Variants in FMNL2 observed in about 807,000 individuals in gnomAD.
FMNL2 encodes the protein formin like 2, also known as formin-like protein 2.
In FMNL2, 51 loss-of-function variants were observed where a neutral mutation model predicts 130.2. That is an observed-to-expected ratio of 0.39 (90% CI 0.31 to 0.49). The LOEUF (loss-of-function observed/expected upper bound fraction) is 0.49. Among genes scored for constraint, FMNL2 ranks in the 20% least tolerant of loss-of-function variants. The pLI, the probability that FMNL2 is intolerant of heterozygous loss-of-function variation, is 0.85. For synonymous variants in FMNL2, 465 were observed against 467.1 expected, an observed-to-expected ratio of 1.00 and a Z score of 0.06; for missense variants, 977 against 1,316.2, an observed-to-expected ratio of 0.74 and a Z score of 3.99.
At chr2:152,453,324 G>A (rs749986525) in intron 1 of FMNL2, among the ~76,000 whole-genome samples, 4 of 152,138 alleles carry the variant, frequency 2.6e-5, no homozygotes, top group Non-Finnish European at 4.4e-5. Context: ...TCCTTCATTA[G>A]GAGCAGTCTG....
chr2:152,645,899 C>A (rs1366911561), intron 25 of FMNL2, among the ~76,000 whole-genome samples: 1 of 152,122 alleles, frequency 6.6e-6, no homozygotes, highest in East Asian at 1.9e-4. Context: ...GAACTAATTG[C>A]TCAGAGGATG....
intron 9 of FMNL2, among the ~76,000 whole-genome samples, chr2:152,590,705 A>G (rs962599298): frequency 1.3e-5 from 2 of 152,020 alleles, no homozygotes; most frequent in African/African-American, 4.8e-5. Flanking sequence ...AAGATAAATC[A>G]TATATAAATA....
rs540394985 is a variant in FMNL2, at chr2:152,418,969, T to C, written c.117+83249T>C. 1.0e-4 allele frequency among the ~76,000 whole-genome samples: 11 copies of C among 105,578 alleles called. No individual in the cohort carries two copies. In the South Asian group the frequency reaches 4.7e-3, roughly 45 times the overall value. 69.3% of individuals were successfully genotyped at this position (105,578 alleles called of 152,430 possible). The stretch of plus-strand genomic sequence containing the variant: ...CTTATATGCTTGCAAAGGATATGTG[T>C]CTTTTCCTTTTTTTTTTTTTTTAAT... On this transcript the variant is annotated intron_variant, in intron 1 of 25. Transcript: ENST00000288670.
intron 1 of FMNL2, among the ~76,000 whole-genome samples, chr2:152,337,413 G>GTA (rs1334959542): frequency 6.6e-6 from 1 of 151,568 alleles, no homozygotes; most frequent in Non-Finnish European, 1.5e-5. Flanking sequence ...GTGTGTGTGT[G>GTA]TGTGTGTGTG....
chr2:152,351,244 G>A (rs1358468601), intron 1 of FMNL2, among the ~76,000 whole-genome samples: 2 of 152,106 alleles, frequency 1.3e-5, no homozygotes, highest in Non-Finnish European at 2.9e-5. Context: ...GAACGTGCAG[G>A]TTTGTTACAT....
intron 2 of FMNL2, among the ~76,000 whole-genome samples, chr2:152,529,329 C>T (rs1023247828): frequency 2.6e-5 from 4 of 152,102 alleles, no homozygotes; most frequent in African/African-American, 4.8e-5. Flanking sequence ...ATGTACCAGA[C>T]AAGAATTGGC....
intron 1 of FMNL2, among the ~76,000 whole-genome samples, chr2:152,448,326 TAGAAG>T (rs1159402184): frequency 6.6e-6 from 1 of 152,198 alleles, no homozygotes; most frequent in African/African-American, 2.4e-5. Flanking sequence ...AAAAGTTGCT[TAGAAG>T]CAACTTTTAG....
chr2:152,453,620 G>T (rs956958176), intron 1 of FMNL2, among the ~76,000 whole-genome samples: 1 of 152,184 alleles, frequency 6.6e-6, no homozygotes, highest in African/African-American at 2.4e-5. Context: ...TTGTTTTTGG[G>T]TTAGCAGCTT....
At chr2:152,542,702 AT>A in intron 2 of FMNL2, 36 bp from the exon 3 acceptor site, 2 of 1,606,414 alleles carry the variant, frequency 1.2e-6, no homozygotes, top group Non-Finnish European at 1.7e-6. Context: ...TCATGGCTTC[AT>A]ACCTTTCATG....
chr2:152,517,832 A>G (rs987899400), intron 1 of FMNL2, among the ~76,000 whole-genome samples: 2 of 152,208 alleles, frequency 1.3e-5, no homozygotes, highest in Non-Finnish European at 2.9e-5. Context: ...CAGTGCGGAC[A>G]TTCTGGTATA....
In FMNL2 at chr2:152,602,653, TAAA is replaced by T. The variant is rs1698138866; in HGVS notation, c.877-4683_877-4681del. Among the ~76,000 whole-genome samples, 4 of 152,270 alleles carry T rather than the reference TAAA, an allele frequency of 2.6e-5. No homozygotes were observed. In the South Asian group the frequency reaches 8.3e-4, roughly 32 times the overall value. On this transcript the variant is annotated intron_variant, in intron 9 of 25. Transcript: ENST00000288670. The stretch of plus-strand genomic sequence containing the variant: ...AGCTGCAAGAATATAGCTTTTTTAT[TAAA>T]AAGTTTTTGCACCGTGTATTATCTG...
At chr2:152,518,185 CACA>C (rs748084051) in intron 1 of FMNL2, among the ~76,000 whole-genome samples, 23 of 152,166 alleles carry the variant, frequency 1.5e-4, no homozygotes, top group Non-Finnish European at 2.5e-4. Flanking sequence ...ACCAGCTAAT[CACA>C]ACATCCCTGA....
chr2:152,449,043 A>G (rs1194851770), intron 1 of FMNL2, among the ~76,000 whole-genome samples: 1 of 152,248 alleles, frequency 6.6e-6, no homozygotes, highest in Non-Finnish European at 1.5e-5. Context: ...TCAGTAGTCA[A>G]GACCCAAAAC....
At chr2:152,356,178 C>T (rs1682768528) in intron 1 of FMNL2, among the ~76,000 whole-genome samples, 1 of 152,070 alleles carries the variant, frequency 6.6e-6, no homozygotes, top group East Asian at 1.9e-4. Flanking sequence ...GCTCTGTCAC[C>T]CAGGCTGGAG....
intron 17 of FMNL2, 117 bp from the exon 18 acceptor site, chr2:152,628,181 TG>T: frequency 1.2e-6 from 1 of 818,990 alleles, no homozygotes; most frequent in Non-Finnish European, 2.0e-6. Flanking sequence ...GTTGATTTGG[TG>T]TTTGATGAGC....
At chr2:152,431,632 G>C (rs1184876708) in intron 1 of FMNL2, among the ~76,000 whole-genome samples, 4 of 152,068 alleles carry the variant, frequency 2.6e-5, no homozygotes, top group African/African-American at 9.7e-5. Context: ...GGAGTACCTT[G>C]ACCAAATAGA....
At chr2:152,634,675 T>C (rs533061734) in intron 21 of FMNL2, among the ~76,000 whole-genome samples, 24 of 152,344 alleles carry the variant, frequency 1.6e-4, no homozygotes, top group African/African-American at 5.5e-4. Flanking sequence ...CAGGTGAATA[T>C]GGCGGATGAG....
At chr2:152,551,292 A>G (rs1040095879) in intron 4 of FMNL2, among the ~76,000 whole-genome samples, 4 of 152,196 alleles carry the variant, frequency 2.6e-5, no homozygotes, top group Admixed American at 6.5e-5. Flanking sequence ...TCTGCAAGCA[A>G]TTGGAGTGGT....
intron 1 of FMNL2, among the ~76,000 whole-genome samples, chr2:152,502,556 A>G (rs4664589): frequency 0.87 from 132,708 of 152,150 alleles, 58,166 homozygotes; most frequent in Admixed American, 0.93. Context: ...GTGTGATGGC[A>G]GGCATCTGTA....
Sources: gnomAD v4.1 joint callset for allele counts (sites outside exome capture counted in the v4.1 genomes callset) on GRCh38, gnomAD v4.1.1 for gene constraint, MANE v1.5 for transcripts, NCBI Gene and HGNC (gene_info 2026-07-23, HGNC 2026-07-21) for gene names.